Variants in ARMH4 observed in about 807,000 individuals in gnomAD.
ARMH4 encodes the protein armadillo like helical domain containing 4.
In ARMH4, 49 loss-of-function variants were observed where a neutral mutation model predicts 61.9. The observed-to-expected ratio is 0.79, with a 90% CI of 0.63 to 1.00. The LOEUF is 1.00. Ranked by LOEUF, ARMH4 falls within the 50% of genes least tolerant of loss-of-function variation. ARMH4 has a pLI of 0.00. For synonymous variants in ARMH4, 368 were observed against 341.5 expected (o/e 1.08, Z -0.85); for missense variants, 934 against 930.0 (o/e 1.00, Z -0.06).
chr14:58,014,169 C>A (rs958939837), intron 5 of ARMH4, among the ~76,000 whole-genome samples: 2 of 152,140 alleles, frequency 1.3e-5, no homozygotes, highest in African/African-American at 4.8e-5. Flanking sequence ...TACCTTTGGC[C>A]CTTCTACCTC....
At chr14:58,005,757 G>A (rs1167280006) in intron 6 of ARMH4, among the ~76,000 whole-genome samples, 1 of 152,176 alleles carries the variant, frequency 6.6e-6, no homozygotes, top group Non-Finnish European at 1.5e-5. Context: ...GGAAAAAAAA[G>A]GCCTGCAAAG....
chr14:58,066,435 T>C (rs1884702564), intron 5 of ARMH4, among the ~76,000 whole-genome samples: 1 of 152,168 alleles, frequency 6.6e-6, no homozygotes, highest in South Asian at 2.1e-4. Flanking sequence ...AATTGCTTCA[T>C]AGGTACAGGG....
chr14:58,088,135 C>T (rs758198678), intron 5 of ARMH4, among the ~76,000 whole-genome samples: 21 of 152,192 alleles, frequency 1.4e-4, no homozygotes, highest in African/African-American at 1.9e-4. Context: ...CAAATAGGTA[C>T]GATACAGCAG....
intron 4 of ARMH4, among the ~76,000 whole-genome samples, chr14:58,102,296 A>G (rs1886010575): frequency 1.3e-5 from 2 of 152,156 alleles, no homozygotes; most frequent in Admixed American, 6.5e-5. Context: ...ATGGTGGTGC[A>G]GTGATAGTGG....
At chr14:58,071,815 G>A (rs1192955749) in intron 5 of ARMH4, among the ~76,000 whole-genome samples, 1 of 152,216 alleles carries the variant, frequency 6.6e-6, no homozygotes, top group Non-Finnish European at 1.5e-5. Context: ...AGTAAAATCA[G>A]GAGGAAGGAT....
At chr14:58,052,571 C>T (rs1319825737) in intron 5 of ARMH4, among the ~76,000 whole-genome samples, 1 of 152,158 alleles carries the variant, frequency 6.6e-6, no homozygotes, top group East Asian at 1.9e-4. Context: ...GCTTCTGTGA[C>T]ACCACGTTTC....
At chr14:58,040,419 G>A (rs992723774) in intron 5 of ARMH4, among the ~76,000 whole-genome samples, 3 of 152,132 alleles carry the variant, frequency 2.0e-5, no homozygotes, top group Non-Finnish European at 2.9e-5. Context: ...GCAGGATTTG[G>A]TTTTCTGTTC....
intron 5 of ARMH4, among the ~76,000 whole-genome samples, chr14:58,032,791 G>A (rs572012065): frequency 3.7e-4 from 56 of 152,220 alleles, no homozygotes; most frequent in South Asian, 4.2e-4. Context: ...AAGAGGTGAC[G>A]GACGCACCTG....
intron 5 of ARMH4, among the ~76,000 whole-genome samples, chr14:58,073,270 T>A (rs1884943820): frequency 6.6e-6 from 1 of 152,172 alleles, no homozygotes; most frequent in Non-Finnish European, 1.5e-5. Flanking sequence ...TTTTAAAAAA[T>A]AAAAAACTGT....
chr14:58,145,562 T>C (rs1887708683), intron 1 of ARMH4, among the ~76,000 whole-genome samples: 2 of 152,192 alleles, frequency 1.3e-5, no homozygotes, highest in African/African-American at 4.8e-5. Flanking sequence ...CCCACTGCCT[T>C]TCCAAAACAT....
intron 4 of ARMH4, among the ~76,000 whole-genome samples, chr14:58,112,231 T>A (rs1886375746): frequency 6.6e-6 from 1 of 152,244 alleles, no homozygotes; most frequent in African/African-American, 2.4e-5. Flanking sequence ...TTGTCATTAT[T>A]GATATATTTG....
At chr14:58,058,573 T>C (rs920703756) in intron 5 of ARMH4, among the ~76,000 whole-genome samples, 6 of 152,190 alleles carry the variant, frequency 3.9e-5, no homozygotes, top group African/African-American at 1.4e-4. Flanking sequence ...AACTTCCTGA[T>C]GTTGCCATGG....
intron 6 of ARMH4, among the ~76,000 whole-genome samples, chr14:58,007,813 A>G (rs1340751348): frequency 6.6e-6 from 1 of 152,220 alleles, no homozygotes. Flanking sequence ...AATTGCACCA[A>G]TGTATTATTC....
intron 5 of ARMH4, among the ~76,000 whole-genome samples, chr14:58,067,776 C>T (rs888652827): frequency 2.0e-5 from 3 of 152,176 alleles, no homozygotes; most frequent in Non-Finnish European, 4.4e-5. Context: ...CTAACACCTG[C>T]CTTACTCCTT....
intron 2 of ARMH4, 66 bp from the exon 3 acceptor site, chr14:58,133,407 A>G (rs767285122): frequency 2.0e-5 from 29 of 1,433,308 alleles, no homozygotes; most frequent in Non-Finnish European, 2.7e-5. Context: ...AAAAATCATG[A>G]TATGATTAAA....
At chr14:58,133,648 A>T (rs1410486209) in intron 2 of ARMH4, among the ~76,000 whole-genome samples, 1 of 152,252 alleles carries the variant, frequency 6.6e-6, no homozygotes, top group Non-Finnish European at 1.5e-5. Flanking sequence ...ATGTCAACAT[A>T]ATCAGTTTGT....
At chr14:58,122,866 C>A (rs1886772606) in intron 4 of ARMH4, among the ~76,000 whole-genome samples, 1 of 152,150 alleles carries the variant, frequency 6.6e-6, no homozygotes, top group African/African-American at 2.4e-5. Flanking sequence ...AGTCAGAAAC[C>A]ACTAACCAGA....
chr14:58,026,293 A>AG (rs779527774), intron 5 of ARMH4, among the ~76,000 whole-genome samples: 9 of 151,986 alleles, frequency 5.9e-5, no homozygotes, highest in Non-Finnish European at 7.4e-5. Flanking sequence ...TCACCAGGGG[A>AG]GAAAAAAAAA....
chr14:58,088,455 T>C (rs1307621224), intron 5 of ARMH4, among the ~76,000 whole-genome samples: 1 of 146,498 alleles, frequency 6.8e-6, no homozygotes, highest in African/African-American at 2.6e-5. Context: ...TTAGCTAATG[T>C]GAAAAAAAAA....
Sources: allele counts gnomAD v4.1 joint callset (sites outside exome capture counted in the v4.1 genomes callset), GRCh38; gene constraint gnomAD v4.1.1; transcripts MANE v1.5; gene names NCBI Gene and HGNC (gene_info 2026-07-23, HGNC 2026-07-21).